The following SOAT2 variants were observed in gnomAD, a reference collection of about 807,000 sequenced individuals.
The protein encoded by SOAT2 is ACAT-2.
SOAT2 carries 87 observed loss-of-function variants against 76.0 expected under a neutral mutation model. That is an observed-to-expected ratio of 1.14 (90% confidence interval 0.96 to 1.37). SOAT2 has a LOEUF of 1.37. SOAT2 is among the 40% of genes most tolerant of loss of function. The pLI, the probability that SOAT2 is intolerant of heterozygous loss-of-function variation, is 0.00. For synonymous variants in SOAT2, 285 were observed against 275.4 expected (o/e 1.03, Z -0.34); for missense variants, 686 against 682.1 (o/e 1.01, Z -0.06).
At chr12:53,122,874 G>C (rs368737069) in intron 12 of SOAT2, among the ~76,000 whole-genome samples, 32 of 152,118 alleles carry the variant, frequency 2.1e-4, no homozygotes, top group African/African-American at 7.7e-4. Context: ...GGTGGTGGCC[G>C]GGCAGAGGGG....
chr12:53,106,848 G>C (rs1430050285), intron 5 of SOAT2, among the ~76,000 whole-genome samples: 1 of 152,206 alleles, frequency 6.6e-6, no homozygotes, highest in African/African-American at 2.4e-5. Flanking sequence ...TGGAGCCTCA[G>C]TAAGTTTACT....
At chr12:53,119,326 C>T in intron 10 of SOAT2, 73 bp downstream of exon 10, 3 of 1,526,932 alleles carry the variant, frequency 2.0e-6, no homozygotes, top group Non-Finnish European at 2.7e-6. Context: ...TTGCTAGTTA[C>T]CTTCCCTCAG....
chr12:53,124,012 G>A, intron 14 of SOAT2, 61 bp from the exon 15 acceptor site: 2 of 1,607,828 alleles, frequency 1.2e-6, no homozygotes, highest in Non-Finnish European at 1.7e-6. Flanking sequence ...CTCACGTCTT[G>A]GATGCATGGG....
At chr12:53,106,041 G>T in intron 5 of SOAT2, 27 bp downstream of exon 5, 1 of 1,531,516 alleles carries the variant, frequency 6.5e-7, no homozygotes, top group Non-Finnish European at 9.0e-7. Flanking sequence ...CCTGGGACAG[G>T]CACACCTATC....
chr12:53,115,921 T>C (rs1938100793), intron 6 of SOAT2, among the ~76,000 whole-genome samples, 176 bp from the exon 7 acceptor site: 1 of 152,222 alleles, frequency 6.6e-6, no homozygotes, highest in Non-Finnish European at 1.5e-5. Flanking sequence ...GCAGCCTTCA[T>C]TCATCCCAGC....
chr12:53,118,312 C>T (rs1162587637), intron 7 of SOAT2, 38 bp from the exon 8 acceptor site: 1 of 1,428,912 alleles, frequency 7.0e-7, no homozygotes, highest in East Asian at 2.3e-5. Flanking sequence ...GCCCTCTGCC[C>T]TTGCCCTTAC....
intron 7 of SOAT2, among the ~76,000 whole-genome samples, chr12:53,117,163 G>A (rs1216361460): frequency 1.3e-5 from 2 of 150,998 alleles, no homozygotes; most frequent in African/African-American, 4.9e-5. Context: ...GTTTCACCAT[G>A]TTGGCCAGGG....
intron 7 of SOAT2, 147 bp from the exon 8 acceptor site, chr12:53,118,203 A>C: frequency 1.6e-6 from 1 of 625,064 alleles, no homozygotes; most frequent in Non-Finnish European, 2.9e-6. Flanking sequence ...GCCCGCATCC[A>C]GGTCCTACGT....
rs1938220713 is a variant in SOAT2, at chr12:53,123,189, A to G, written c.1345A>G (p.Met449Val). 4 of 1,613,970 alleles carry G rather than the reference A, an allele frequency of 2.5e-6. No homozygotes were observed. Among genetic ancestry groups the G allele is most frequent in the Non-Finnish European group, 2.5e-6 (3 of 1,179,962 alleles). The change falls in exon 13 of 15, where the codon ATG becomes GTG. Residue 449 changes from methionine to valine, a missense_variant. Transcript: ENST00000301466. The stretch of plus-strand genomic sequence containing the variant: ...CGTCCTGGGGTTCTTCTATCCCGTC[A>G]TGCTGATACTCTTCCTTGTCATTGG... ...CFVLGFFYPV[M>V]LILFLVIGGM...
intron 5 of SOAT2, among the ~76,000 whole-genome samples, chr12:53,113,778 T>G (rs1718929822): frequency 6.6e-6 from 1 of 152,222 alleles, no homozygotes; most frequent in South Asian, 2.1e-4. Context: ...TAACTTCTTT[T>G]AATCTATAAC....
At position 53,119,215 on chromosome 12, in the gene SOAT2, G is replaced by A. The variant is rs370652060; in HGVS notation, c.1001G>A (p.Arg334His). 40 of 1,613,922 alleles carry A rather than the reference G, an allele frequency of 2.5e-5. No individual in the cohort carries two copies. The highest frequency in any genetic ancestry group is 1.1e-4 in the African/African-American group (8 of 74,890). Residue 334 changes from arginine (R) to histidine (H), a missense_variant, in exon 10 of 15, where the codon CGT becomes CAT. By Grantham distance (29) the Arg-to-His change is conservative. Coordinates refer to ENST00000301466, the MANE Select transcript of SOAT2 (RefSeq NM_003578.4). ...ANMSREPFSTRALVLSILHAT... is the reference protein window; with the variant it reads ...ANMSREPFSTHALVLSILHAT... ...ATGAGCCGAGAGCCCTTCAGCACCC[G>A]TGCCCTGGTGCTCTCTATCCTGCAT...
chr12:53,118,371 G>C lies in SOAT2; in HGVS notation c.800G>C (p.Ser267Thr). The C allele has an allele frequency of 3.1e-6, 5 of 1,613,474 alleles. No individual in the cohort carries two copies. Among genetic ancestry groups the C allele is most frequent in the Non-Finnish European group, 4.2e-6 (5 of 1,179,768 alleles). ...ARRGEGIQAP[S>T]FSSYLYFLFC... is the part of the protein sequence containing the mutation. Reference sequence around the variant, plus strand: ...CCAGGTGAGGGGATCCAGGCCCCCAGTTTCTCCAGCTACCTCTACTTCCTC... The same window carrying C: ...CCAGGTGAGGGGATCCAGGCCCCCACTTTCTCCAGCTACCTCTACTTCCTC... The change falls in exon 8 of 15, where the codon AGT (serine) becomes ACT (threonine). Residue 267 changes from serine (S) to threonine (T), a missense_variant. Transcript: ENST00000301466.
chr12:53,109,048 C>T (rs1937975477), intron 5 of SOAT2, among the ~76,000 whole-genome samples: 1 of 152,074 alleles, frequency 6.6e-6, no homozygotes, highest in South Asian at 2.1e-4. Flanking sequence ...ACCAACCTGG[C>T]CAATATGGTG....
In SOAT2 at chr12:53,106,021, C is replaced by A. The variant is rs781756678; in HGVS notation, c.443+7C>A. The A allele has an allele frequency of 1.3e-6, 2 of 1,596,932 alleles. No individual in the cohort carries two copies. The highest frequency in any genetic ancestry group is 1.7e-6 in the Non-Finnish European group (2 of 1,164,846). ...ACTTCATTGATGAGGGCAGGTAGGT[C>A]CCCTTCCCACCTGGGACAGGCACAC... On this transcript the variant is annotated splice_region_variant and intron_variant, in intron 5 of 14. Coordinates refer to ENST00000301466, the MANE Select transcript of SOAT2 (RefSeq NM_003578.4).
chr12:53,104,033 G>T, intron 1 of SOAT2, 118 bp from the exon 2 acceptor site: 1 of 872,726 alleles, frequency 1.1e-6, no homozygotes. Flanking sequence ...CTAGATATTG[G>T]CTGGTTGGGG....
At chr12:53,118,455 C>T in intron 8 of SOAT2, 21 bp downstream of exon 8, 3 of 1,563,262 alleles carry the variant, frequency 1.9e-6, no homozygotes, top group Non-Finnish European at 2.6e-6. Flanking sequence ...GCACTCCTTC[C>T]CCAAATGCCC....
chr12:53,124,401 CTT>C lies in SOAT2; in HGVS notation c.*279_*280del, dbSNP rs917002356. ...CTACCCCATGACTGTCTTAGGGAGA[CTT>C]GGGGTACCTTATGGATTTGATGAAT... is the stretch of plus-strand genomic sequence containing the variant. On this transcript the variant is annotated 3_prime_UTR_variant, in exon 15 of 15. Transcript: ENST00000301466. 71 of 469,518 alleles carry C rather than the reference CTT, an allele frequency of 1.5e-4. 1 individual carries two copies. The highest frequency in any genetic ancestry group is 1.1e-3 in the African/African-American group (57 of 51,776). 29.1% of individuals were successfully genotyped at this position (469,518 alleles called of 1,614,324 possible).
intron 2 of SOAT2, 83 bp downstream of exon 2, chr12:53,104,289 CTTTT>C (rs777784995): frequency 2.7e-3 from 1,381 of 518,194 alleles, no homozygotes; most frequent in East Asian, 7.3e-3. Context: ...ATAAAGATGA[CTTTT>C]TTTTTTTTTT....
chr12:53,111,946 G>A (rs1938017691), intron 5 of SOAT2, among the ~76,000 whole-genome samples: 1 of 152,156 alleles, frequency 6.6e-6, no homozygotes, highest in Non-Finnish European at 1.5e-5. Flanking sequence ...ATACGCAGAC[G>A]TATTAGGCAT....
Sources: gnomAD v4.1 joint callset for allele counts (sites outside exome capture counted in the v4.1 genomes callset) on GRCh38, gnomAD v4.1.1 for gene constraint, MANE v1.5 for transcripts, NCBI Gene and HGNC (gene_info 2026-07-23, HGNC 2026-07-21) for gene names.